EPB41L4A: variants seen among roughly 807,000 people sequenced by gnomAD.
EPB41L4A encodes erythrocyte membrane protein band 4.1 like 4A, also known as band 4.1-like protein 4A.
A neutral mutation model predicts 108.6 loss-of-function variants in EPB41L4A; 100 were observed. The observed-to-expected ratio is 0.92, with a 90% confidence interval of 0.78 to 1.09. The LOEUF is 1.09. EPB41L4A is among the 50% of genes least tolerant of loss of function. The pLI, the probability that EPB41L4A is intolerant of heterozygous loss-of-function variation, is 0.00. For missense variants in EPB41L4A, 1,030 were observed against 842.7 expected, an observed-to-expected ratio of 1.22 and a Z score of -2.75; for synonymous variants, 319 against 289.0, an observed-to-expected ratio of 1.10 and a Z score of -1.05.
chr5:112,258,171 C>G (rs1249507690), intron 9 of EPB41L4A, among the ~76,000 whole-genome samples: 3 of 152,084 alleles, frequency 2.0e-5, no homozygotes, highest in African/African-American at 7.2e-5. Flanking sequence ...TGTTTTTTTC[C>G]TATTAGGAGA....
At chr5:112,295,044 A>T (rs1308942930) in intron 2 of EPB41L4A, among the ~76,000 whole-genome samples, 1 of 152,220 alleles carries the variant, frequency 6.6e-6, no homozygotes, top group Non-Finnish European at 1.5e-5. Flanking sequence ...ACTGAAACTA[A>T]AATTCAGAGA....
At chr5:112,321,918 A>T (rs542948661) in intron 1 of EPB41L4A, among the ~76,000 whole-genome samples, 7 of 152,314 alleles carry the variant, frequency 4.6e-5, no homozygotes, top group African/African-American at 1.7e-4. Flanking sequence ...GTAATTTTTG[A>T]AAAAATTTCT....
At chr5:112,322,574 T>C (rs1348882450) in intron 1 of EPB41L4A, among the ~76,000 whole-genome samples, 1 of 152,112 alleles carries the variant, frequency 6.6e-6, no homozygotes. Context: ...TGTCTAATCC[T>C]ACCGACCCCA....
At chr5:112,416,067 A>T (rs1387377658) in intron 1 of EPB41L4A, among the ~76,000 whole-genome samples, 1 of 152,138 alleles carries the variant, frequency 6.6e-6, no homozygotes, top group Non-Finnish European at 1.5e-5. Flanking sequence ...ATCTTACCAT[A>T]TAAGATGAGT....
chr5:112,377,807 C>T (rs1759909964), intron 1 of EPB41L4A, among the ~76,000 whole-genome samples: 1 of 152,060 alleles, frequency 6.6e-6, no homozygotes, highest in Admixed American at 6.6e-5. Context: ...TCCAGAGCTG[C>T]CTTCCAGAAA....
chr5:112,189,728 C>T (rs915217841), intron 17 of EPB41L4A, among the ~76,000 whole-genome samples: 6 of 152,144 alleles, frequency 3.9e-5, no homozygotes, highest in Admixed American at 6.5e-5. Flanking sequence ...CCACATCTCC[C>T]ACTTCCAAAC....
intron 12 of EPB41L4A, among the ~76,000 whole-genome samples, chr5:112,152,902 A>G (rs1399415908): frequency 6.6e-6 from 1 of 152,222 alleles, no homozygotes; most frequent in Non-Finnish European, 1.5e-5. Context: ...ATGAATATGG[A>G]TGCAATATAA....
At chr5:112,345,529 T>C (rs575907354) in intron 1 of EPB41L4A, among the ~76,000 whole-genome samples, 23 of 152,182 alleles carry the variant, frequency 1.5e-4, no homozygotes, top group Non-Finnish European at 3.1e-4. Flanking sequence ...TGGTTGTCCC[T>C]GGGTACTGAG....
At position 112,407,109 on chromosome 5, in the gene EPB41L4A, G is replaced by A. The variant is rs116330308; in HGVS notation, c.99+11832C>T. ...TGAGTGGCTGACAGGAAAAAGCAATGACAAGCAGAAACGAGTTCGTGTGAA... is the reference window on the plus strand; with the variant it reads ...TGAGTGGCTGACAGGAAAAAGCAATAACAAGCAGAAACGAGTTCGTGTGAA... On this transcript the variant is annotated intron_variant, in intron 1 of 22. Coordinates refer to ENST00000261486, the MANE Select transcript of EPB41L4A (RefSeq NM_022140.5). 9.8e-3 allele frequency among the ~76,000 whole-genome samples: 1,487 copies of A among 152,106 alleles called. 29 individuals are homozygous for A. The highest frequency in any genetic ancestry group is 0.033 in the African/African-American group (1,388 of 41,488).
chr5:112,244,172 CTG>C (rs1391787660), intron 9 of EPB41L4A, among the ~76,000 whole-genome samples: 2 of 152,206 alleles, frequency 1.3e-5, no homozygotes, highest in Non-Finnish European at 1.5e-5. Context: ...TTCAATATTA[CTG>C]TTTCTTGGAA....
chr5:112,236,092 TC>T (rs1322178428), intron 11 of EPB41L4A, among the ~76,000 whole-genome samples: 2 of 152,108 alleles, frequency 1.3e-5, no homozygotes, highest in Non-Finnish European at 2.9e-5. Context: ...GAAAAAATGT[TC>T]CCCCTAAAAA....
At chr5:112,356,413 A>T (rs1580747866) in intron 1 of EPB41L4A, among the ~76,000 whole-genome samples, 2 of 152,238 alleles carry the variant, frequency 1.3e-5, no homozygotes, top group East Asian at 3.8e-4. Context: ...AAGTGACTGG[A>T]TTAACACAAA....
intron 17 of EPB41L4A, 53 bp from the exon 18 acceptor site, chr5:112,184,188 T>C (rs1761311780): frequency 6.3e-7 from 1 of 1,598,380 alleles, no homozygotes. Flanking sequence ...TGGCGCGTTT[T>C]AGGTTCATCC....
At chr5:112,283,981 A>G (rs905413998) in intron 2 of EPB41L4A, among the ~76,000 whole-genome samples, 7 of 152,252 alleles carry the variant, frequency 4.6e-5, no homozygotes, top group African/African-American at 1.7e-4. Flanking sequence ...ACAGAGCCTT[A>G]AATCTGTATA....
At chr5:112,261,505 C>T (rs1751479975) in intron 7 of EPB41L4A, among the ~76,000 whole-genome samples, 1 of 152,188 alleles carries the variant, frequency 6.6e-6, no homozygotes, top group Non-Finnish European at 1.5e-5. Flanking sequence ...TTGCTATCCA[C>T]ATTCCTCTTA....
In EPB41L4A at chr5:112,165,024, GTTT is replaced by G. The variant is rs1397541559; in HGVS notation, c.2024_2026del (p.Lys675del). Reference sequence around the variant, plus strand: ...TGTCTTGAGGCGGGAAGCTTGTATAGTTTTTATTGTTTTTGCTGTGTGTTTTCC... The same window carrying G: ...TGTCTTGAGGCGGGAAGCTTGTATAGTTATTGTTTTTGCTGTGTGTTTTCC... On this transcript the variant is annotated inframe_deletion, in exon 23 of 23. Transcript: ENST00000261486. 1 of 1,613,928 alleles carries G rather than the reference GTTT, an allele frequency of 6.2e-7. No homozygotes were observed. The highest frequency in any genetic ancestry group is 8.5e-7 in the Non-Finnish European group (1 of 1,179,968).
At chr5:112,333,311 G>A (rs115204919) in intron 1 of EPB41L4A, among the ~76,000 whole-genome samples, 3 of 151,880 alleles carry the variant, frequency 2.0e-5, no homozygotes, top group East Asian at 1.9e-4. Context: ...TGTCAAAAAG[G>A]GGGGAAGGGA....
intron 1 of EPB41L4A, among the ~76,000 whole-genome samples, chr5:112,346,127 C>T (rs1369340875): frequency 6.8e-6 from 1 of 148,148 alleles, no homozygotes; most frequent in Admixed American, 6.9e-5. Flanking sequence ...TGGGATGCCA[C>T]ATCATTTATT....
rs1399518470 is a variant in EPB41L4A at position 112,169,108 on chromosome 5, G to C, written c.1740-3C>G. 6 of 1,606,026 alleles carry C rather than the reference G, an allele frequency of 3.7e-6. No homozygotes were observed. Among genetic ancestry groups the C allele is most frequent in the Non-Finnish European group, 1.7e-6 (2 of 1,172,640 alleles). ...TGCGGATTGGGTCACCTTGTGTCCT[G>C]AACAAGCAACCAAGAAACATGAAAA... On this transcript the variant is annotated splice_region_variant and splice_polypyrimidine_tract_variant and intron_variant, in intron 20 of 22. Coordinates refer to ENST00000261486, the MANE Select transcript of EPB41L4A (RefSeq NM_022140.5).
Sources: allele counts gnomAD v4.1 joint callset (sites outside exome capture counted in the v4.1 genomes callset), GRCh38; gene constraint gnomAD v4.1.1; transcripts MANE v1.5; gene names NCBI Gene and HGNC (gene_info 2026-07-23, HGNC 2026-07-21).